Variants in VPS53 observed in about 807,000 individuals in gnomAD.
The protein encoded by VPS53 is VPS53 subunit of GARP complex.
A neutral mutation model predicts 107.0 loss-of-function variants in VPS53; 70 were observed. That is an observed-to-expected ratio of 0.65 (90% CI 0.54 to 0.80). The LOEUF (loss-of-function observed/expected upper bound fraction) is 0.80. VPS53 is among the 30% of genes least tolerant of loss of function. The probability of loss-of-function intolerance (pLI) is 0.00; values close to 1 mark genes in which losing one functional copy is unlikely to be tolerated. For synonymous variants in VPS53, 409 were observed against 393.3 expected, an observed-to-expected ratio of 1.04 and a Z score of -0.47; for missense variants, 917 against 1,049.4, an observed-to-expected ratio of 0.87 and a Z score of 1.74.
At chr17:530,684 G>C (rs1405340898) in intron 19 of VPS53, among the ~76,000 whole-genome samples, 1 of 152,094 alleles carries the variant, frequency 6.6e-6, no homozygotes, top group Non-Finnish European at 1.5e-5. Context: ...AATCTCAAGG[G>C]AAAGAAAAGC....
At chr17:655,446 T>C (rs930774580) in intron 6 of VPS53, among the ~76,000 whole-genome samples, 2 of 151,478 alleles carry the variant, frequency 1.3e-5, no homozygotes, top group Admixed American at 6.6e-5. Flanking sequence ...CCTGTGTCAC[T>C]CTGTCTGCCT....
intron 13 of VPS53, among the ~76,000 whole-genome samples, chr17:580,835 C>T (rs1478330699): frequency 1.3e-5 from 2 of 151,854 alleles, no homozygotes; most frequent in Admixed American, 1.3e-4. Context: ...GAGAACCTCC[C>T]TCAGAACCTA....
chr17:611,981 G>A (rs551298257), intron 11 of VPS53, among the ~76,000 whole-genome samples: 1 of 150,678 alleles, frequency 6.6e-6, no homozygotes, highest in Non-Finnish European at 1.5e-5. Context: ...AACCTGTACA[G>A]ATATTCACAG....
In VPS53 at chr17:607,550, A is replaced by G. The variant is rs375967622; in HGVS notation, c.1117-5654T>C. Among the ~76,000 whole-genome samples the G allele has an allele frequency of 3.3e-5, 5 of 152,340 alleles. 1 individual carries two copies. The East Asian group carries it at 7.7e-4, about 24-fold the overall frequency. On this transcript the variant is annotated intron_variant, in intron 11 of 21. Transcript: ENST00000437048. ...GCCTTCTGTGCTAAGAGCCACACAG[A>G]TCACGCTTCTCAGGCTTGCTTTGCA...
intron 11 of VPS53, among the ~76,000 whole-genome samples, chr17:611,210 C>T (rs1282432119): frequency 6.6e-6 from 1 of 152,120 alleles, no homozygotes; most frequent in Non-Finnish European, 1.5e-5. Context: ...GACGGGGTTT[C>T]ACCATGTTGG....
intron 4 of VPS53, among the ~76,000 whole-genome samples, chr17:669,302 C>G (rs143196917): frequency 6.6e-6 from 1 of 152,004 alleles, no homozygotes. Flanking sequence ...AAAATAAAAA[C>G]GTGGTTGGCC....
At chr17:651,608 G>T (rs903152426) in intron 7 of VPS53, among the ~76,000 whole-genome samples, 7 of 152,196 alleles carry the variant, frequency 4.6e-5, no homozygotes, top group Non-Finnish European at 1.0e-4. Flanking sequence ...TAAAGTCTAT[G>T]TGTATTACTT....
At chr17:641,129 T>C (rs1298491620) in intron 7 of VPS53, among the ~76,000 whole-genome samples, 1 of 152,212 alleles carries the variant, frequency 6.6e-6, no homozygotes, top group Non-Finnish European at 1.5e-5. Context: ...GTGCTGGGAT[T>C]ACAGGCGTGA....
intron 4 of VPS53, 48 bp from the exon 5 acceptor site, chr17:661,943 T>A (rs2143601553): frequency 6.9e-7 from 1 of 1,441,004 alleles, no homozygotes; most frequent in Non-Finnish European, 9.5e-7. Flanking sequence ...TAGAGACAGC[T>A]CCAGTCACTA....
intron 7 of VPS53, among the ~76,000 whole-genome samples, chr17:632,535 TTTTAG>T (rs1380294194): frequency 6.6e-6 from 1 of 152,146 alleles, no homozygotes; most frequent in Non-Finnish European, 1.5e-5. Context: ...AATTCCAATC[TTTTAG>T]TTATTTTTAA....
rs1430090525 is a variant in VPS53 at position 516,375 on chromosome 17, T to A, written c.*2753A>T. ...TCAAAATCTCCGGGCATCTGTTTTT[T>A]TGTTTGTTTTGAGATAGAGTCTCAC... On this transcript the variant is annotated 3_prime_UTR_variant, in exon 22 of 22. Transcript: ENST00000437048. The A allele has an allele frequency of 6.6e-6, 1 of 151,972 alleles. No individual in the cohort carries two copies. Among genetic ancestry groups the A allele is most frequent in the Non-Finnish European group, 1.5e-5 (1 of 67,996 alleles). 9.4% of individuals were successfully genotyped at this position (151,972 alleles called of 1,614,324 possible).
intron 4 of VPS53, among the ~76,000 whole-genome samples, chr17:672,153 A>ACACACACACACACAC (rs1193028603): frequency 5.3e-4 from 31 of 58,410 alleles, no homozygotes; most frequent in East Asian, 2.6e-3. Context: ...CACACACACA[A>ACACACACACACACAC]TCTCTCTCTC....
At chr17:588,786 C>A (rs2143001457) in intron 12 of VPS53, among the ~76,000 whole-genome samples, 1 of 152,326 alleles carries the variant, frequency 6.6e-6, no homozygotes, top group African/African-American at 2.4e-5. Flanking sequence ...TCTAGAATTC[C>A]ACTTGAGTGC....
At chr17:705,345 C>T (rs183974740) in intron 2 of VPS53, among the ~76,000 whole-genome samples, 127 of 151,682 alleles carry the variant, frequency 8.4e-4, no homozygotes, top group African/African-American at 3.0e-3. Flanking sequence ...TCCCAGCACT[C>T]GGAGAGGCTG....
At chr17:540,228 G>A (rs1457333703) in intron 17 of VPS53, among the ~76,000 whole-genome samples, 1 of 151,958 alleles carries the variant, frequency 6.6e-6, no homozygotes, top group Non-Finnish European at 1.5e-5. Flanking sequence ...CTGCTGCCCA[G>A]GCTGGAGTGC....
chr17:672,109 G>GACACACACACAC (rs10630363), intron 4 of VPS53, among the ~76,000 whole-genome samples: 2,681 of 108,810 alleles, frequency 0.025, 49 homozygotes, highest in East Asian at 0.059. Flanking sequence ...TGATGAGGGT[G>GACACACACACAC]ACACACACAC....
chr17:598,567 C>A (rs1359802025), intron 12 of VPS53, among the ~76,000 whole-genome samples: 1 of 150,930 alleles, frequency 6.6e-6, no homozygotes, highest in African/African-American at 2.4e-5. Context: ...AGCGTCTCTG[C>A]CCGGCTGCCC....
intron 17 of VPS53, among the ~76,000 whole-genome samples, chr17:548,391 AATGACT>A (rs1911440758): frequency 3.3e-5 from 5 of 151,152 alleles, no homozygotes; most frequent in African/African-American, 7.3e-5. Flanking sequence ...GGAATCATCC[AATGACT>A]ACACTCCACT....
chr17:530,027 A>C (rs1277152948), intron 19 of VPS53, among the ~76,000 whole-genome samples: 5 of 139,214 alleles, frequency 3.6e-5, no homozygotes, highest in Non-Finnish European at 8.1e-5. Context: ...GCAATACAGC[A>C]AAAAAAAAAA....
Sources: allele counts gnomAD v4.1 joint callset (sites outside exome capture counted in the v4.1 genomes callset), GRCh38; gene constraint gnomAD v4.1.1; transcripts MANE v1.5; gene names NCBI Gene and HGNC (gene_info 2026-07-23, HGNC 2026-07-21).